Variants in DYNC2H1 observed in about 807,000 individuals in gnomAD.
The protein encoded by DYNC2H1 is cytoplasmic dynein 2 heavy chain 1.
In DYNC2H1, 410 loss-of-function variants were observed where a neutral mutation model predicts 570.0. The observed-to-expected ratio is 0.72, with a 90% CI of 0.66 to 0.78. The LOEUF (loss-of-function observed/expected upper bound fraction) is 0.78. Among genes scored for constraint, DYNC2H1 ranks in the 30% least tolerant of loss-of-function variants. DYNC2H1 has a pLI of 0.00. For missense variants in DYNC2H1, 4,865 were observed against 5,046.4 expected, an observed-to-expected ratio of 0.96 and a Z score of 1.09; for synonymous variants, 1,688 against 1,677.6, an observed-to-expected ratio of 1.01 and a Z score of -0.15.
chr11:103,191,255 G>A (rs1007645823), intron 45 of DYNC2H1, among the ~76,000 whole-genome samples: 9 of 151,740 alleles, frequency 5.9e-5, no homozygotes, highest in African/African-American at 2.2e-4. Flanking sequence ...GGCCAGGCTG[G>A]TCTTGAACTG....
chr11:103,458,565 C>T (rs1944878073), intron 87 of DYNC2H1, among the ~76,000 whole-genome samples: 1 of 151,998 alleles, frequency 6.6e-6, no homozygotes, highest in South Asian at 2.1e-4. Context: ...ATCTTGTCCT[C>T]AGGGAGTTTA....
chr11:103,420,953 G>GT (rs1943466534), intron 84 of DYNC2H1, among the ~76,000 whole-genome samples: 1 of 152,050 alleles, frequency 6.6e-6, no homozygotes, highest in Non-Finnish European at 1.5e-5. Context: ...AAGAACTAAG[G>GT]CCCATTGGTA....
rs1864424373 is a variant in DYNC2H1 at position 103,241,599 on chromosome 11, G to A, written c.9820-2094G>A. On this transcript the variant is annotated intron_variant, in intron 63 of 88. Coordinates refer to ENST00000375735, the MANE Select transcript of DYNC2H1 (RefSeq NM_001377.3). This position sits in a 1 kb window ranked among gnomAD's most constrained non-coding sequence, Gnocchi z 5.1. ...AATTACTTTTGTAGTTAGGCAAAATGCAGAATTGTGAAATGTGTGCTATTG... is the reference window on the plus strand; with the variant it reads ...AATTACTTTTGTAGTTAGGCAAAATACAGAATTGTGAAATGTGTGCTATTG... The A allele has an allele frequency of 6.9e-7, 1 of 1,443,350 alleles. No homozygotes were observed. Among genetic ancestry groups the A allele is most frequent in the Admixed American group, 1.8e-5 (1 of 54,250 alleles). The allele number at this position is 1,443,350 out of a possible 1,614,324, so 89.4% of individuals were successfully genotyped here. A position where few individuals can be genotyped will look rare whatever the true frequency, so the allele number is the denominator to read the frequency against.
intron 83 of DYNC2H1, among the ~76,000 whole-genome samples, chr11:103,378,737 A>G (rs1417669993): frequency 6.6e-6 from 1 of 152,150 alleles, no homozygotes; most frequent in Non-Finnish European, 1.5e-5. Flanking sequence ...AAATATCTTT[A>G]TTTCATCTTC....
intron 15 of DYNC2H1, among the ~76,000 whole-genome samples, chr11:103,134,791 C>A (rs1450760651): frequency 6.6e-6 from 1 of 151,792 alleles, no homozygotes; most frequent in African/African-American, 2.4e-5. Flanking sequence ...TAATTTTATT[C>A]CAGATTTTTT....
chr11:103,136,684 A>G (rs1859576498), intron 17 of DYNC2H1, among the ~76,000 whole-genome samples: 1 of 152,190 alleles, frequency 6.6e-6, no homozygotes, highest in African/African-American at 2.4e-5. Flanking sequence ...CACAATAAAC[A>G]TACGTGTGCA....
intron 82 of DYNC2H1, among the ~76,000 whole-genome samples, chr11:103,351,567 G>A (rs542415415): frequency 4.1e-4 from 62 of 152,138 alleles, no homozygotes; most frequent in African/African-American, 5.3e-4. Context: ...TTTATTGTCC[G>A]TGTTTCCTCT....
At chr11:103,120,836 C>A in intron 8 of DYNC2H1, 34 bp downstream of exon 8, 1 of 1,299,208 alleles carries the variant, frequency 7.7e-7, no homozygotes, top group Non-Finnish European at 1.0e-6. Context: ...TTTAATATTT[C>A]TCTTAAGCTA....
At position 103,259,888 on chromosome 11, in the gene DYNC2H1, G is replaced by T. The variant is rs760478170; in HGVS notation, c.10606G>T (p.Asp3536Tyr). ...LFQRALQNKQ[D>Y]SENTEQRIQS... is the part of the protein sequence containing the mutation. ...ATGAATTTCCAATTATAATCTACAG[G>T]ATTCTGAAAATACAGAACAGAGAAT... The change falls in exon 70 of 89, where the codon GAT becomes TAT. Residue 3536 changes from aspartate (D) to tyrosine (Y), a missense_variant and splice_region_variant. Around this residue, in one of 5 missense-constraint regions of DYNC2H1, gnomAD observed 2,401 missense variants for 2,454.6 expected, o/e 0.98. Transcript: ENST00000375735. 5.9e-6 allele frequency: 9 copies of T among 1,515,816 alleles called. No individual in the cohort carries two copies. In the East Asian group the frequency reaches 2.3e-4, roughly 38 times the overall value. The allele number at this position is 1,515,816 out of a possible 1,614,324, so 93.9% of individuals were successfully genotyped here.
In DYNC2H1 at chr11:103,115,149, C is replaced by G. The variant is rs941598082; in HGVS notation, c.503-28C>G. 5.9e-6 allele frequency: 9 copies of G among 1,526,530 alleles called. No homozygotes were observed. In the African/African-American group the frequency reaches 1.1e-4, roughly 19 times the overall value. 94.6% of individuals were successfully genotyped at this position (1,526,530 alleles called of 1,614,324 possible). A position where few individuals can be genotyped will look rare whatever the true frequency, so the allele number is the denominator to read the frequency against. On this transcript the variant is annotated intron_variant, in intron 3 of 88. Coordinates refer to ENST00000375735, the MANE Select transcript of DYNC2H1 (RefSeq NM_001377.3). ...TTTTTTTTTCTCTGATATTCTATGC[C>G]ATTTTTTTCCCCTCTTGACTTTTAT...
At chr11:103,172,431 A>G (rs904733962) in intron 34 of DYNC2H1, among the ~76,000 whole-genome samples, 1 of 152,090 alleles carries the variant, frequency 6.6e-6, no homozygotes, top group African/African-American at 2.4e-5. Context: ...TAAAACATAA[A>G]CAAACCTTCC....
intron 87 of DYNC2H1, among the ~76,000 whole-genome samples, chr11:103,467,085 GAA>G (rs1945216073): frequency 6.6e-6 from 1 of 151,962 alleles, no homozygotes; most frequent in South Asian, 2.1e-4. Context: ...AATAATGAAG[GAA>G]AAGAGTAGGT....
At chr11:103,443,286 C>A (rs642495) in intron 85 of DYNC2H1, among the ~76,000 whole-genome samples, 52,962 of 151,702 alleles carry the variant, frequency 0.35, 9,795 homozygotes, top group African/African-American at 0.47. Context: ...TTTCCATTCT[C>A]TATTATCTAT....
intron 88 of DYNC2H1, among the ~76,000 whole-genome samples, chr11:103,473,177 A>T (rs1347551829): frequency 6.6e-6 from 1 of 152,182 alleles, no homozygotes; most frequent in African/African-American, 2.4e-5. Context: ...GGAAAAATGA[A>T]AATAAATAAA....
rs1277059393 is a variant in DYNC2H1 at position 103,249,094 on chromosome 11, A to G, written c.10042+3720A>G. Reference sequence around the variant, plus strand: ...TTAACTGCATCACAGGTTAATTCCAATGTAAATTAAGAATTCATACAGTTA... The same window carrying G: ...TTAACTGCATCACAGGTTAATTCCAGTGTAAATTAAGAATTCATACAGTTA... On this transcript the variant is annotated intron_variant, in intron 65 of 88. Coordinates refer to ENST00000375735, the MANE Select transcript of DYNC2H1 (RefSeq NM_001377.3). The surrounding 1 kb of genome is among the most constrained non-coding windows in gnomAD (Gnocchi z 4.6). Among the ~76,000 whole-genome samples the G allele has an allele frequency of 6.6e-6, 1 of 152,006 alleles. No homozygotes were observed. Among genetic ancestry groups the G allele is most frequent in the African/African-American group, 2.4e-5 (1 of 41,422 alleles).
intron 85 of DYNC2H1, among the ~76,000 whole-genome samples, chr11:103,441,025 C>G (rs940637991): frequency 1.3e-5 from 2 of 152,168 alleles, no homozygotes; most frequent in African/African-American, 4.8e-5. Flanking sequence ...TCACTCTTCT[C>G]TTGGAAATAT....
intron 82 of DYNC2H1, among the ~76,000 whole-genome samples, chr11:103,347,297 C>T (rs2135500338): frequency 6.6e-6 from 1 of 151,030 alleles, no homozygotes; most frequent in East Asian, 2.0e-4. Context: ...TTCTGTGAAT[C>T]CTGATTTAAA....
intron 78 of DYNC2H1, among the ~76,000 whole-genome samples, chr11:103,309,551 T>C (rs781579532): frequency 4.9e-4 from 74 of 149,512 alleles, no homozygotes; most frequent in Non-Finnish European, 8.5e-4. Flanking sequence ...GTTTGTTTCA[T>C]TTAAGGAAAA....
rs1944181451 is a variant in DYNC2H1 at position 103,439,456 on chromosome 11, T to A, written c.12456+3424T>A. Among the ~76,000 whole-genome samples the A allele has an allele frequency of 6.6e-6, 1 of 152,156 alleles. No individual in the cohort carries two copies. Among genetic ancestry groups the A allele is most frequent in the Non-Finnish European group, 1.5e-5 (1 of 68,028 alleles). ...GAGGGCAAGAGGGGCCAAATCATGA[T>A]AATGTATTAAGGAATTATATTTTAT... On this transcript the variant is annotated intron_variant, in intron 85 of 88. Coordinates refer to ENST00000375735, the MANE Select transcript of DYNC2H1 (RefSeq NM_001377.3). This position sits in a 1 kb window ranked among gnomAD's most constrained non-coding sequence, Gnocchi z 4.1.
Sources: gnomAD v4.1 joint callset for allele counts (sites outside exome capture counted in the v4.1 genomes callset) on GRCh38, gnomAD v4.1.1 for gene constraint, gnomAD v4.1.1 regional missense constraint, Gnocchi (gnomAD v3.1) non-coding constraint, MANE v1.5 for transcripts, NCBI Gene and HGNC (gene_info 2026-07-23, HGNC 2026-07-21) for gene names.